Variants in SLCO3A1 observed in about 807,000 individuals in gnomAD.
SLCO3A1 encodes PGE1 transporter.
In SLCO3A1, 27 loss-of-function variants were observed where a neutral mutation model predicts 63.1. That is an observed-to-expected ratio of 0.43 (90% confidence interval 0.32 to 0.59). The LOEUF is 0.59. Among genes scored for constraint, SLCO3A1 ranks in the 20% least tolerant of loss-of-function variants. SLCO3A1 has a pLI of 0.09. For synonymous variants in SLCO3A1, 473 were observed against 409.9 expected (o/e 1.15, Z -1.86); for missense variants, 773 against 945.8 (o/e 0.82, Z 2.40).
intron 2 of SLCO3A1, among the ~76,000 whole-genome samples, chr15:91,960,979 G>A (rs532915489): frequency 5.3e-5 from 8 of 152,286 alleles, no homozygotes; most frequent in African/African-American, 1.9e-4. Context: ...TGTTCCGGAT[G>A]CCTCTGTCAG....
intron 6 of SLCO3A1, 140 bp downstream of exon 6, chr15:92,126,399 A>G (rs1024455958): frequency 3.0e-6 from 2 of 666,458 alleles, no homozygotes; most frequent in Non-Finnish European, 5.3e-6. Context: ...CTTACTGTCC[A>G]CGTTGGAGAA....
At chr15:91,976,915 C>T (rs911583224) in intron 2 of SLCO3A1, among the ~76,000 whole-genome samples, 4 of 151,984 alleles carry the variant, frequency 2.6e-5, no homozygotes, top group African/African-American at 7.3e-5. Flanking sequence ...AGGACCGGGG[C>T]GAAATTAAAA....
downstream of SLCO3A1, chr15:92,165,995 G>A (rs2048490857): frequency 1.5e-6 from 1 of 647,890 alleles, no homozygotes; most frequent in Non-Finnish European, 1.9e-6. Flanking sequence ...TGCTGAAATT[G>A]ACAGATCTTT....
At chr15:91,915,678 G>A (rs918027494) in intron 1 of SLCO3A1, among the ~76,000 whole-genome samples, 2 of 152,104 alleles carry the variant, frequency 1.3e-5, no homozygotes, top group Non-Finnish European at 1.5e-5. Flanking sequence ...CTGTGGTGGA[G>A]GTCTGTGGGG....
intron 2 of SLCO3A1, among the ~76,000 whole-genome samples, chr15:92,083,202 C>T (rs1369280180): frequency 6.6e-6 from 1 of 152,134 alleles, no homozygotes; most frequent in South Asian, 2.1e-4. Context: ...TTCTTGTTTC[C>T]TCGAAGTTGA....
At chr15:92,097,165 C>G (rs1272369268) in intron 3 of SLCO3A1, among the ~76,000 whole-genome samples, 1 of 152,166 alleles carries the variant, frequency 6.6e-6, no homozygotes, top group Non-Finnish European at 1.5e-5. Flanking sequence ...CTGCGAATGA[C>G]CAGAATATCT....
At chr15:92,058,622 C>T (rs1396816396) in intron 2 of SLCO3A1, among the ~76,000 whole-genome samples, 1 of 152,178 alleles carries the variant, frequency 6.6e-6, no homozygotes, top group East Asian at 1.9e-4. Flanking sequence ...ATATTCCAAA[C>T]CCACATCACC....
At chr15:92,153,384 C>T (rs1046549235) in intron 9 of SLCO3A1, 1 of 152,084 alleles carries the variant, frequency 6.6e-6, no homozygotes, top group Non-Finnish European at 1.5e-5. Context: ...TATGAGTCTC[C>T]AATTAGAGGC....
intron 2 of SLCO3A1, among the ~76,000 whole-genome samples, chr15:92,091,622 C>T (rs1485216940): frequency 6.6e-6 from 1 of 152,126 alleles, no homozygotes; most frequent in African/African-American, 2.4e-5. Context: ...TGCACGAAGG[C>T]CCCTCCCACG....
Position 91,916,308 on chromosome 15 carries a change from A to G in SLCO3A1, c.496A>G (p.Ile166Val). Reference protein sequence around the residue: ...GGDEGPDPDLICRNRTATNMM... With the variant: ...GGDEGPDPDLVCRNRTATNMM... ...CGACGAGGGGCCCGACCCCGACCTC[A>G]TCTGCCGCAACCGGACGGCTACCAA... The change falls in exon 2 of 10, where the codon ATC (isoleucine) becomes GTC (valine). Residue 166 changes from isoleucine to valine, a missense_variant. Ile to Val is a conservative substitution (Grantham distance 29). Coordinates refer to ENST00000318445, the MANE Select transcript of SLCO3A1 (RefSeq NM_013272.4). This position sits in a 1 kb window ranked among gnomAD's most constrained non-coding sequence, Gnocchi z 6.2. 6.3e-7 allele frequency: 1 copy of G among 1,577,158 alleles called. No homozygotes were observed. Among genetic ancestry groups the G allele is most frequent in the East Asian group, 2.3e-5 (1 of 42,782 alleles).
intron 7 of SLCO3A1, among the ~76,000 whole-genome samples, chr15:92,134,363 T>C (rs770664816): frequency 2.0e-5 from 3 of 152,196 alleles, no homozygotes; most frequent in South Asian, 2.1e-4. Context: ...ACACCTGATA[T>C]ATCTCAGGCC....
chr15:91,913,255 A>C (rs917833742), intron 1 of SLCO3A1, among the ~76,000 whole-genome samples: 35 of 152,228 alleles, frequency 2.3e-4, no homozygotes, highest in African/African-American at 7.2e-4. Context: ...AGAATGCCAG[A>C]GATAGAGGGT....
intron 2 of SLCO3A1, among the ~76,000 whole-genome samples, chr15:92,053,519 C>G (rs145803056): frequency 6.6e-6 from 1 of 152,178 alleles, no homozygotes; most frequent in Non-Finnish European, 1.5e-5. Context: ...AGGATCCCAT[C>G]CGGGACATCG....
At chr15:92,137,125 C>G (rs527964838) in intron 7 of SLCO3A1, among the ~76,000 whole-genome samples, 2 of 141,402 alleles carry the variant, frequency 1.4e-5, no homozygotes. Context: ...CCTCCCCCGT[C>G]CCCCCACCCC....
intron 9 of SLCO3A1, among the ~76,000 whole-genome samples, chr15:92,156,987 A>C (rs1459092827): frequency 6.6e-6 from 1 of 152,242 alleles, no homozygotes; most frequent in Non-Finnish European, 1.5e-5. Flanking sequence ...CCTGAGGTTT[A>C]ATCTCTGTTA....
At chr15:91,977,295 G>C (rs1267517055) in intron 2 of SLCO3A1, among the ~76,000 whole-genome samples, 1 of 152,142 alleles carries the variant, frequency 6.6e-6, no homozygotes, top group African/African-American at 2.4e-5. Flanking sequence ...TCAGCCTCAT[G>C]TTGCTGACCC....
At chr15:91,917,061 C>A (rs957962576) in intron 2 of SLCO3A1, among the ~76,000 whole-genome samples, 2 of 152,156 alleles carry the variant, frequency 1.3e-5, no homozygotes, top group Non-Finnish European at 2.9e-5. Context: ...AGGATGGAAA[C>A]CACTTGTGCG....
Position 91,854,215 on chromosome 15 carries a change from G to A in SLCO3A1, c.180+127G>A, listed in dbSNP as rs1896852091. The A allele has an allele frequency of 1.8e-6, 2 of 1,138,652 alleles. No homozygotes were observed. Among genetic ancestry groups the A allele is most frequent in the East Asian group, 7.0e-5 (2 of 28,726 alleles). 70.5% of individuals were successfully genotyped at this position (1,138,652 alleles called of 1,614,324 possible). ...GGCATGACCTCGGCCCGGCGTGGAG[G>A]TTGGCGAGTGGTGCAGAGGCGGCCG... On this transcript the variant is annotated intron_variant, in intron 1 of 9. Transcript: ENST00000318445. This position sits in a 1 kb window ranked among gnomAD's most constrained non-coding sequence, Gnocchi z 6.4.
At chr15:92,098,889 C>T (rs545228196) in intron 3 of SLCO3A1, among the ~76,000 whole-genome samples, 1 of 152,282 alleles carries the variant, frequency 6.6e-6, no homozygotes, top group Non-Finnish European at 1.5e-5. Context: ...AGTAAGCACA[C>T]AATAAATACT....
Sources: gnomAD v4.1 joint callset for allele counts (sites outside exome capture counted in the v4.1 genomes callset) on GRCh38, gnomAD v4.1.1 for gene constraint, Gnocchi (gnomAD v3.1) non-coding constraint, MANE v1.5 for transcripts, NCBI Gene and HGNC (gene_info 2026-07-23, HGNC 2026-07-21) for gene names.